ST3GAL5: variants seen among roughly 807,000 people sequenced by gnomAD.
ST3GAL5 encodes the protein lactosylceramide alpha-2,3-sialyltransferase.
A neutral mutation model predicts 46.1 loss-of-function variants in ST3GAL5; 25 were observed. The observed-to-expected ratio is 0.54, with a 90% CI of 0.40 to 0.76. ST3GAL5 has a LOEUF of 0.76. ST3GAL5 is among the 30% of genes least tolerant of loss of function. The pLI, the probability that ST3GAL5 is intolerant of heterozygous loss-of-function variation, is 0.00. For synonymous variants in ST3GAL5, 182 were observed against 192.7 expected (o/e 0.94, Z 0.46); for missense variants, 431 against 521.2 (o/e 0.83, Z 1.69).
intron 3 of ST3GAL5, chr2:85,853,157 A>G: frequency 9.1e-7 from 1 of 1,101,862 alleles, no homozygotes; most frequent in Non-Finnish European, 1.2e-6. Context: ...CCAAACCGAA[A>G]CTGACATCAA....
At chr2:85,867,863 A>G in intron 1 of ST3GAL5, 1 of 599,834 alleles carries the variant, frequency 1.7e-6, no homozygotes, top group Non-Finnish European at 3.0e-6. Context: ...CCTTCCTGGG[A>G]CTGGGGTTAG....
In ST3GAL5 at chr2:85,846,260, C is replaced by T. The variant is rs1201621054; in HGVS notation, c.849+117G>A. 5 of 925,220 alleles carry T rather than the reference C, an allele frequency of 5.4e-6. No homozygotes were observed. The East Asian group carries it at 1.3e-4, about 24-fold the overall frequency. 57.3% of individuals were successfully genotyped at this position (925,220 alleles called of 1,614,324 possible). On this transcript the variant is annotated intron_variant, in intron 5 of 6. Transcript: ENST00000638572. ...AAGAGAGTGATCATCATTTGAAAGACAACACATAAGTATGCATTCCGCTCT... is the reference window on the plus strand; with the variant it reads ...AAGAGAGTGATCATCATTTGAAAGATAACACATAAGTATGCATTCCGCTCT...
Position 85,874,451 on chromosome 2 carries a change from G to A in ST3GAL5, c.83-10966C>T, listed in dbSNP as rs116360535. Among the ~76,000 whole-genome samples, 651 of 152,118 alleles carry A rather than the reference G, an allele frequency of 4.3e-3. 2 individuals carry two copies. The highest frequency in any genetic ancestry group is 0.015 in the African/African-American group (607 of 41,490). On this transcript the variant is annotated intron_variant, in intron 1 of 6. Transcript: ENST00000638572. ...TCCTCCTCACTCCATGTCAACCAAG[G>A]GGGCCTCGTGCTCGACTTGCCCTTC...
rs1683506594 is a variant in ST3GAL5, at chr2:85,851,564, G to A, written c.319-3360C>T. 6 of 1,289,366 alleles carry A rather than the reference G, an allele frequency of 4.7e-6. No individual in the cohort carries two copies. In the South Asian group the frequency reaches 6.2e-5, roughly 13 times the overall value. The allele number at this position is 1,289,366 out of a possible 1,614,324, so 79.9% of individuals were successfully genotyped here. A position where few individuals can be genotyped will look rare whatever the true frequency, so the allele number is the denominator to read the frequency against. ...CACAACCAGACATCATTGTCTTGGGGGCTTCCTCAGAGCTTGTCCCACATC... is the reference window on the plus strand; with the variant it reads ...CACAACCAGACATCATTGTCTTGGGAGCTTCCTCAGAGCTTGTCCCACATC... On this transcript the variant is annotated intron_variant, in intron 3 of 6. Transcript: ENST00000638572.
intron 1 of ST3GAL5, among the ~76,000 whole-genome samples, chr2:85,869,078 C>T (rs1685617109): frequency 6.6e-6 from 1 of 152,186 alleles, no homozygotes; most frequent in Non-Finnish European, 1.5e-5. Flanking sequence ...GAGATAGGGT[C>T]TTGCTCTGTT....
At chr2:85,875,225 A>G (rs547509675) in intron 1 of ST3GAL5, among the ~76,000 whole-genome samples, 29 of 152,050 alleles carry the variant, frequency 1.9e-4, no homozygotes, top group African/African-American at 6.7e-4. Context: ...ACCCGGCTAC[A>G]TTTTTAATTT....
At chr2:85,867,883 AACATGGC>A in intron 1 of ST3GAL5, 2 of 576,802 alleles carry the variant, frequency 3.5e-6, no homozygotes, top group Non-Finnish European at 6.4e-6. Context: ...GTCAGAAGTC[AACATGGC>A]AGATTAGCAT....
At chr2:85,847,470 A>T in intron 4 of ST3GAL5, 1 of 1,012,882 alleles carries the variant, frequency 9.9e-7, no homozygotes, top group Non-Finnish European at 1.2e-6. Context: ...AACTTCTCAA[A>T]CGTTAAGTCC....
chr2:85,881,233 T>C (rs1433255674), intron 1 of ST3GAL5, among the ~76,000 whole-genome samples: 1 of 152,224 alleles, frequency 6.6e-6, no homozygotes, highest in African/African-American at 2.4e-5. Flanking sequence ...GTAAATCCAA[T>C]TAAACCTCTT....
chr2:85,843,984 T>C (rs896878245), intron 6 of ST3GAL5, among the ~76,000 whole-genome samples: 1 of 152,194 alleles, frequency 6.6e-6, no homozygotes, highest in African/African-American at 2.4e-5. Context: ...CTCACCTGAA[T>C]GGCCCACAGA....
At chr2:85,880,049 T>G (rs1169187724) in intron 1 of ST3GAL5, among the ~76,000 whole-genome samples, 1 of 152,214 alleles carries the variant, frequency 6.6e-6, no homozygotes, top group Admixed American at 6.5e-5. Context: ...GGCAGTTTTT[T>G]CCAATAACCC....
At chr2:85,875,705 G>C (rs1239210998) in intron 1 of ST3GAL5, among the ~76,000 whole-genome samples, 1 of 152,190 alleles carries the variant, frequency 6.6e-6, no homozygotes, top group East Asian at 1.9e-4. Context: ...CACTGGGGCG[G>C]AGAAAACAGA....
At chr2:85,868,481 T>C (rs1040118712) in intron 1 of ST3GAL5, among the ~76,000 whole-genome samples, 4 of 151,416 alleles carry the variant, frequency 2.6e-5, no homozygotes, top group Admixed American at 2.6e-4. Flanking sequence ...TTTGTATTTT[T>C]TTTTTTTTTT....
chr2:85,869,940 G>A (rs1685732722), intron 1 of ST3GAL5: 1 of 286,510 alleles, frequency 3.5e-6, no homozygotes, highest in Admixed American at 3.9e-5. Flanking sequence ...CCAGCCAATG[G>A]TGAGCGCGCA....
At chr2:85,866,408 C>G (rs886600703) in intron 1 of ST3GAL5, among the ~76,000 whole-genome samples, 1 of 152,224 alleles carries the variant, frequency 6.6e-6, no homozygotes, top group Admixed American at 6.5e-5. Flanking sequence ...ATGCCCTGAT[C>G]TCAATTTTAT....
chr2:85,846,127 C>T (rs1034648654), intron 5 of ST3GAL5: 41 of 441,590 alleles, frequency 9.3e-5, no homozygotes, highest in Middle Eastern at 6.5e-4. Context: ...ACCTGGGATG[C>T]GGAGGCTGCA....
intron 5 of ST3GAL5, chr2:85,844,773 A>G (rs1179509409): frequency 1.8e-5 from 11 of 606,710 alleles, no homozygotes; most frequent in Non-Finnish European, 2.9e-5. Context: ...GGCACTGGAC[A>G]AAGAGATGAA....
Position 85,840,260 on chromosome 2 carries a change from C to T in ST3GAL5, c.1141G>A (p.Ala381Thr). The change falls in exon 7 of 7, where the codon GCT becomes ACT. Residue 381 changes from alanine (A) to threonine (T), a missense_variant. Transcript: ENST00000638572. Reference sequence around the variant, plus strand: ...TGCATGGTCTGAAAGTTCATAGCAGCCATGCATTGACTGTCGAAGTAGTGC... The same window carrying T: ...TGCATGGTCTGAAAGTTCATAGCAGTCATGCATTGACTGTCGAAGTAGTGC... Reference protein sequence around the residue: ...PLHYFDSQCMAAMNFQTMHNV... With the variant: ...PLHYFDSQCMTAMNFQTMHNV... 1 of 1,614,172 alleles carries T rather than the reference C, an allele frequency of 6.2e-7. No homozygotes were observed. The highest frequency in any genetic ancestry group is 8.5e-7 in the Non-Finnish European group (1 of 1,180,038).
chr2:85,846,369 G>A lies in ST3GAL5; in HGVS notation c.849+8C>T. ...TAAGGCAGATTTAATAGAAGTATTA[G>A]TGCTTACCAGGGTTTCCTTTTTTAC... On this transcript the variant is annotated splice_region_variant and intron_variant, in intron 5 of 6. Coordinates refer to ENST00000638572, the MANE Select transcript of ST3GAL5 (RefSeq NM_003896.4). 1 of 1,613,252 alleles carries A rather than the reference G, an allele frequency of 6.2e-7. No homozygotes were observed. Among genetic ancestry groups the A allele is most frequent in the East Asian group, 2.2e-5 (1 of 44,872 alleles).
Sources: gnomAD v4.1 joint callset for allele counts (sites outside exome capture counted in the v4.1 genomes callset) on GRCh38, gnomAD v4.1.1 for gene constraint, MANE v1.5 for transcripts, NCBI Gene and HGNC (gene_info 2026-07-23, HGNC 2026-07-21) for gene names.